GNAT3: variants seen among roughly 807,000 people sequenced by gnomAD.
GNAT3 encodes G protein subunit alpha transducin 3.
A neutral mutation model predicts 37.7 loss-of-function variants in GNAT3; 31 were observed. The observed-to-expected ratio is 0.82, with a 90% CI of 0.62 to 1.11. The LOEUF (loss-of-function observed/expected upper bound fraction) is 1.11. GNAT3 is among the 50% of genes most tolerant of loss of function. GNAT3 has a pLI of 0.00. For synonymous variants in GNAT3, 138 were observed against 139.8 expected, an observed-to-expected ratio of 0.99 and a Z score of 0.09; for missense variants, 437 against 412.5, an observed-to-expected ratio of 1.06 and a Z score of -0.51.
chr7:80,490,284 G>C (rs1370750286), intron 2 of GNAT3, among the ~76,000 whole-genome samples: 1 of 152,036 alleles, frequency 6.6e-6, no homozygotes, highest in Admixed American at 6.6e-5. Flanking sequence ...CATTTCAAGT[G>C]GCTACTAAAG....
chr7:80,511,779 T>G, intron 1 of GNAT3, 30 bp downstream of exon 1: 1 of 1,449,344 alleles, frequency 6.9e-7, no homozygotes, highest in East Asian at 2.3e-5. Flanking sequence ...AAAAGTCAGG[T>G]TTTTGAAAGC....
chr7:80,475,523 C>T (rs895223074), intron 4 of GNAT3, among the ~76,000 whole-genome samples: 3 of 151,758 alleles, frequency 2.0e-5, no homozygotes, highest in Non-Finnish European at 4.4e-5. Context: ...TGACAAATTT[C>T]GCCATTACAC....
chr7:80,459,541 C>A (rs1790015123), intron 7 of GNAT3, among the ~76,000 whole-genome samples: 1 of 152,108 alleles, frequency 6.6e-6, no homozygotes, highest in South Asian at 2.1e-4. Flanking sequence ...AGCAGTAATA[C>A]AATGAAGGCT....
At chr7:80,491,728 G>C (rs1010202290) in intron 2 of GNAT3, among the ~76,000 whole-genome samples, 1 of 152,096 alleles carries the variant, frequency 6.6e-6, no homozygotes, top group African/African-American at 2.4e-5. Context: ...CTTCGTAAGG[G>C]CAACTTCTGC....
intron 1 of GNAT3, among the ~76,000 whole-genome samples, chr7:80,497,415 T>C (rs1014489564): frequency 2.6e-5 from 4 of 151,942 alleles, no homozygotes. Flanking sequence ...ACAATAATAT[T>C]ATAAAACTGT....
At chr7:80,508,059 G>A (rs577030164) in intron 1 of GNAT3, among the ~76,000 whole-genome samples, 4 of 151,708 alleles carry the variant, frequency 2.6e-5, no homozygotes, top group South Asian at 4.2e-4. Flanking sequence ...AAAATAAAGG[G>A]TTTTAGAACT....
chr7:80,499,932 T>G (rs1334756774), intron 1 of GNAT3, among the ~76,000 whole-genome samples: 1 of 152,200 alleles, frequency 6.6e-6, no homozygotes, highest in Admixed American at 6.5e-5. Flanking sequence ...TAGTGAGCTT[T>G]AAGTATTTTC....
chr7:80,486,448 C>G (rs1375420186), intron 3 of GNAT3: 1 of 150,352 alleles, frequency 6.7e-6, no homozygotes, highest in African/African-American at 2.4e-5. Flanking sequence ...TCTCTCATCT[C>G]ACTTTTTTTT....
intron 1 of GNAT3, among the ~76,000 whole-genome samples, chr7:80,506,355 G>C (rs747684758): frequency 8.5e-5 from 13 of 152,058 alleles, no homozygotes; most frequent in Admixed American, 8.5e-4. Context: ...AGTGCCTTAC[G>C]AGCCTGCTTT....
intron 2 of GNAT3, among the ~76,000 whole-genome samples, chr7:80,490,173 A>C (rs186770279): frequency 3.2e-4 from 48 of 152,292 alleles, no homozygotes; most frequent in Admixed American, 1.9e-3. Context: ...TCTCCTTCCC[A>C]AAACCATAGA....
intron 1 of GNAT3, among the ~76,000 whole-genome samples, chr7:80,504,768 T>C (rs1790901395): frequency 6.6e-6 from 1 of 152,218 alleles, no homozygotes. Context: ...AATATAAGAA[T>C]ACGTGAATGT....
chr7:80,497,565 C>CACT (rs1790742209), intron 1 of GNAT3, among the ~76,000 whole-genome samples: 1 of 137,862 alleles, frequency 7.3e-6, no homozygotes, highest in African/African-American at 2.7e-5. Context: ...TATACATATA[C>CACT]GTATATACAT....
At chr7:80,508,672 G>C (rs938073690) in intron 1 of GNAT3, among the ~76,000 whole-genome samples, 28 of 152,044 alleles carry the variant, frequency 1.8e-4, no homozygotes, top group Admixed American at 1.2e-3. Flanking sequence ...CATCTGTTCT[G>C]TAATTTTACT....
rs569471458 is a variant in GNAT3, at chr7:80,471,345, C to A, written c.590+2906G>T. Among the ~76,000 whole-genome samples the A allele has an allele frequency of 9.2e-5, 14 of 151,732 alleles. 2 individuals carry two copies. In the South Asian group the frequency reaches 2.9e-3, roughly 32 times the overall value. On this transcript the variant is annotated intron_variant, in intron 5 of 7. Transcript: ENST00000398291. The stretch of plus-strand genomic sequence containing the variant: ...CTCAGAGACACACCCAAGATCAATA[C>A]TTTTTATCCTTCGATCCAATTAAGT...
At chr7:80,472,646 A>C (rs1233606854) in intron 5 of GNAT3, among the ~76,000 whole-genome samples, 1 of 152,126 alleles carries the variant, frequency 6.6e-6, no homozygotes, top group Non-Finnish European at 1.5e-5. Context: ...TGACTTGGGT[A>C]GTGAGCTTTT....
chr7:80,494,752 TA>T (rs1264815990), intron 1 of GNAT3, 105 bp from the exon 2 acceptor site: 6 of 692,524 alleles, frequency 8.7e-6, no homozygotes, highest in Middle Eastern at 3.1e-4. Context: ...TTAATAGGTT[TA>T]GGGGGTACAA....
At chr7:80,466,409 T>C (rs1232407919) in intron 5 of GNAT3, among the ~76,000 whole-genome samples, 3 of 152,162 alleles carry the variant, frequency 2.0e-5, no homozygotes, top group Non-Finnish European at 4.4e-5. Flanking sequence ...TAGATTCTAT[T>C]CACATCTTAA....
At chr7:80,472,001 T>G (rs570366219) in intron 5 of GNAT3, among the ~76,000 whole-genome samples, 3 of 152,114 alleles carry the variant, frequency 2.0e-5, no homozygotes, top group Non-Finnish European at 4.4e-5. Flanking sequence ...CTAGCCACTA[T>G]AATAAGCACT....
At chr7:80,498,749 T>G (rs956440931) in intron 1 of GNAT3, among the ~76,000 whole-genome samples, 4 of 152,150 alleles carry the variant, frequency 2.6e-5, no homozygotes, top group Non-Finnish European at 5.9e-5. Flanking sequence ...AATATTAGTT[T>G]CTGGGTCAAG....
Sources: allele counts gnomAD v4.1 joint callset (sites outside exome capture counted in the v4.1 genomes callset), GRCh38; gene constraint gnomAD v4.1.1; transcripts MANE v1.5; gene names NCBI Gene and HGNC (gene_info 2026-07-23, HGNC 2026-07-21).